The following USH2A variants were observed in gnomAD, a reference collection of about 807,000 sequenced individuals.
USH2A encodes the protein usherin, also known as Usher syndrome 2A (autosomal recessive, mild).
In USH2A, 443 loss-of-function variants were observed where a neutral mutation model predicts 538.9. The observed-to-expected ratio is 0.82, with a 90% confidence interval of 0.76 to 0.89. The LOEUF is 0.89. USH2A is among the 40% of genes least tolerant of loss of function. The probability of loss-of-function intolerance (pLI) is 0.00; values close to 1 mark genes in which losing one functional copy is unlikely to be tolerated. For synonymous variants in USH2A, 2,413 were observed against 2,273.5 expected (o/e 1.06, Z -1.75); for missense variants, 6,633 against 6,324.8 (o/e 1.05, Z -1.65).
In USH2A at chr1:216,322,614, A is replaced by AG. The variant is rs550010508; in HGVS notation, c.1551-639_1551-638insC. On this transcript the variant is annotated intron_variant, in intron 8 of 71. Transcript: ENST00000307340. The stretch of plus-strand genomic sequence containing the variant: ...AGAGCAAAAGCCTGTCAAAAAAAAA[A>AG]AAAAAAGAAAGAAAAAAGAATATAA... Among the ~76,000 whole-genome samples the AG allele has an allele frequency of 8.3e-4, 127 of 152,110 alleles. 1 individual carries two copies. In the South Asian group the frequency reaches 0.012, roughly 14 times the overall value.
chr1:215,908,380 C>G (rs1571802403), intron 38 of USH2A, among the ~76,000 whole-genome samples: 1 of 151,984 alleles, frequency 6.6e-6, no homozygotes, highest in East Asian at 1.9e-4. Flanking sequence ...TTTAGTATTG[C>G]TCATGAAATA....
rs1381799883 is a variant in USH2A at position 215,627,433 on chromosome 1, C to CTTCTTTCCTTCCTTCT, written c.15519+1380_15519+1381insAGAAGGAAGGAAAGAA. On this transcript the variant is annotated intron_variant, in intron 71 of 71. Transcript: ENST00000307340. ...CCTTCCTTCCTTCCTTCCTTCCTTC[C>CTTCTTTCCTTCCTTCT]TTCCTTCCTTCCTTCCTTCCTTCCT... is the stretch of plus-strand genomic sequence containing the variant. Among the ~76,000 whole-genome samples the CTTCTTTCCTTCCTTCT allele has an allele frequency of 1.3e-3, 97 of 74,734 alleles. 3 individuals carry two copies. Among genetic ancestry groups the CTTCTTTCCTTCCTTCT allele is most frequent in the Admixed American group, 1.6e-3 (12 of 7,398 alleles). 49.0% of individuals were successfully genotyped at this position (74,734 alleles called of 152,430 possible).
At chr1:216,086,541 A>G (rs2032137998) in intron 24 of USH2A, among the ~76,000 whole-genome samples, 178 bp downstream of exon 24, 5 of 152,168 alleles carry the variant, frequency 3.3e-5, no homozygotes, top group African/African-American at 1.2e-4. Flanking sequence ...TATAAATACA[A>G]GTCATATGGA....
chr1:215,673,105 T>A (rs1657878032), intron 63 of USH2A, among the ~76,000 whole-genome samples: 1 of 152,328 alleles, frequency 6.6e-6, no homozygotes, highest in East Asian at 1.9e-4. Context: ...AAAAGCCAAC[T>A]CACATAGCAT....
intron 15 of USH2A, among the ~76,000 whole-genome samples, chr1:216,207,740 A>G (rs968055567): frequency 6.8e-6 from 1 of 146,004 alleles, no homozygotes; most frequent in African/African-American, 2.5e-5. Context: ...TTGAGAAACC[A>G]TCCAAGGATG....
At chr1:216,258,709 C>T (rs1382751860) in intron 11 of USH2A, among the ~76,000 whole-genome samples, 2 of 152,040 alleles carry the variant, frequency 1.3e-5, no homozygotes, top group Non-Finnish European at 2.9e-5. Flanking sequence ...AAACATTGTC[C>T]TCATTGCCTG....
intron 30 of USH2A, among the ~76,000 whole-genome samples, chr1:216,055,621 T>C (rs2030950523): frequency 2.6e-5 from 4 of 152,210 alleles, no homozygotes; most frequent in Admixed American, 2.6e-4. Context: ...ATGACATTTG[T>C]TAAATATGGA....
At chr1:216,039,019 C>G (rs181380298) in intron 32 of USH2A, among the ~76,000 whole-genome samples, 1 of 152,054 alleles carries the variant, frequency 6.6e-6, no homozygotes, top group East Asian at 1.9e-4. Context: ...TAAATTTAAA[C>G]ATATTTTATT....
intron 4 of USH2A, among the ~76,000 whole-genome samples, chr1:216,332,523 C>G (rs1187526718): frequency 1.3e-5 from 2 of 152,090 alleles, no homozygotes; most frequent in African/African-American, 2.4e-5. Context: ...AAAGAAAGAC[C>G]TGAGAAAGTC....
intron 47 of USH2A, among the ~76,000 whole-genome samples, chr1:215,830,215 G>A (rs7536020): frequency 0.13 from 19,388 of 152,084 alleles, 1,617 homozygotes; most frequent in African/African-American, 0.24. Context: ...TCCGGCTAGA[G>A]TATCTAGAAC....
In USH2A at chr1:215,675,008, T is replaced by C; in HGVS notation, c.12903A>G (p.Gln4301=). 1.2e-6 allele frequency: 2 copies of C among 1,614,196 alleles called. No homozygotes were observed. The highest frequency in any genetic ancestry group is 1.7e-6 in the Non-Finnish European group (2 of 1,180,034). ...SNGIIQSYRL[Q]RNEMLYPFSF... ...TAAAAGGATAGAGCATTTCATTCCT[T>C]TGAAGCCTATAGGACTGGATAATAC... is the stretch of plus-strand genomic sequence containing the variant. Residue 4301 remains glutamine, a synonymous_variant, in exon 63 of 72, where the codon CAA becomes CAG. Coordinates refer to ENST00000307340, the MANE Select transcript of USH2A (RefSeq NM_206933.4).
intron 62 of USH2A, among the ~76,000 whole-genome samples, chr1:215,678,095 A>T (rs1461490744): frequency 6.6e-6 from 1 of 152,184 alleles, no homozygotes; most frequent in East Asian, 1.9e-4. Context: ...TGATTTCACA[A>T]CTGCTACTCT....
intron 29 of USH2A, 57 bp from the exon 30 acceptor site, chr1:216,070,349 T>G (rs975741730): frequency 8.6e-6 from 13 of 1,516,622 alleles, no homozygotes; most frequent in Non-Finnish European, 1.2e-5. Flanking sequence ...AGACTATTGC[T>G]CCTATTCTTC....
chr1:216,135,503 C>T (rs2102606013), intron 21 of USH2A, among the ~76,000 whole-genome samples: 2 of 152,078 alleles, frequency 1.3e-5, no homozygotes, highest in East Asian at 3.9e-4. Context: ...ACAATAAACT[C>T]AGTTGACTAA....
chr1:215,672,823 T>C (rs1287806826), intron 63 of USH2A, among the ~76,000 whole-genome samples: 1 of 152,242 alleles, frequency 6.6e-6, no homozygotes, highest in Non-Finnish European at 1.5e-5. Flanking sequence ...GAGTGGATAA[T>C]GAAGAGATTT....
intron 38 of USH2A, among the ~76,000 whole-genome samples, chr1:215,912,494 T>C (rs1375445669): frequency 0.012 from 259 of 21,736 alleles, 4 homozygotes; most frequent in African/African-American, 0.037. Context: ...TATATATGTG[T>C]ATATATATAT....
rs2102546323 is a variant in USH2A, at chr1:216,247,156, G to A, written c.2238C>T (p.Pro746=). The change falls in exon 13 of 72, where the codon CCC becomes CCT. Residue 746 remains proline, a synonymous_variant. Transcript: ENST00000307340. ...LRSFNDVGCE[P]CQCNLHGSVN... ...CTGAGCCATGGAGGTTACACTGGCA[G>A]GGCTCACATCCAACATCATTAAAGC... 1 of 1,614,038 alleles carries A rather than the reference G, an allele frequency of 6.2e-7. No individual in the cohort carries two copies. Among genetic ancestry groups the A allele is most frequent in the Non-Finnish European group, 8.5e-7 (1 of 1,179,942 alleles).
At chr1:215,816,269 C>T (rs1197301627) in intron 48 of USH2A, among the ~76,000 whole-genome samples, 2 of 151,980 alleles carry the variant, frequency 1.3e-5, no homozygotes, top group African/African-American at 4.8e-5. Flanking sequence ...TCAAAAAATG[C>T]ACAGTTAGTA....
intron 35 of USH2A, among the ~76,000 whole-genome samples, chr1:215,991,453 G>A (rs148672263): frequency 7.9e-5 from 12 of 152,098 alleles, no homozygotes; most frequent in African/African-American, 2.4e-4. Flanking sequence ...GGGGGAAAGT[G>A]GGGAGAAGTA....
Sources: gnomAD v4.1 joint callset for allele counts (sites outside exome capture counted in the v4.1 genomes callset) on GRCh38, gnomAD v4.1.1 for gene constraint, MANE v1.5 for transcripts, NCBI Gene and HGNC (gene_info 2026-07-23, HGNC 2026-07-21) for gene names.